Variants in NUDT3 observed in about 807,000 individuals in gnomAD.
NUDT3 encodes nudix hydrolase 3.
Under a neutral mutation model 23.6 loss-of-function variants are expected in NUDT3, and 9 were observed. That is an observed-to-expected ratio of 0.38 (90% CI 0.23 to 0.66). NUDT3 has a LOEUF of 0.66. Ranked by LOEUF, NUDT3 falls within the 30% of genes least tolerant of loss-of-function variation. The pLI is 0.52. For missense variants in NUDT3, 172 were observed against 218.5 expected (o/e 0.79, Z 1.34); for synonymous variants, 86 against 82.6 (o/e 1.04, Z -0.22).
chr6:34,299,618 TTTA>T (rs1442250500), intron 2 of NUDT3, among the ~76,000 whole-genome samples: 2 of 148,872 alleles, frequency 1.3e-5, no homozygotes, highest in Admixed American at 6.7e-5. Flanking sequence ...TTTTTTTTTT[TTTA>T]AAGTCCAGGT....
chr6:34,295,391 G>A (rs182074143), intron 3 of NUDT3, among the ~76,000 whole-genome samples: 41 of 152,098 alleles, frequency 2.7e-4, no homozygotes, highest in Admixed American at 2.1e-3. Context: ...GGATGGTGGT[G>A]TATCCATGTA....
intron 2 of NUDT3, among the ~76,000 whole-genome samples, chr6:34,304,169 C>T (rs1378239826): frequency 2.7e-5 from 4 of 150,408 alleles, no homozygotes; most frequent in Non-Finnish European, 4.4e-5. Context: ...AGGAGAACCA[C>T]TTGAACCTGG....
intron 1 of NUDT3, among the ~76,000 whole-genome samples, chr6:34,344,658 C>T (rs1010393687): frequency 6.8e-6 from 1 of 147,822 alleles, no homozygotes; most frequent in Non-Finnish European, 1.5e-5. Context: ...ATGAATTGTT[C>T]TTTTTTTTTT....
intron 1 of NUDT3, among the ~76,000 whole-genome samples, chr6:34,364,492 G>C (rs1305604119): frequency 6.6e-6 from 1 of 152,072 alleles, no homozygotes; most frequent in African/African-American, 2.4e-5. Flanking sequence ...ACAATGGCCT[G>C]CCATGGCCTA....
intron 1 of NUDT3, among the ~76,000 whole-genome samples, chr6:34,370,873 G>A (rs1458387602): frequency 1.3e-5 from 2 of 152,104 alleles, no homozygotes; most frequent in Non-Finnish European, 2.9e-5. Flanking sequence ...AGAGGCCGAG[G>A]CAGGTGGATC....
At chr6:34,313,678 T>C (rs1203447137) in intron 2 of NUDT3, among the ~76,000 whole-genome samples, 4 of 151,602 alleles carry the variant, frequency 2.6e-5, no homozygotes, top group Non-Finnish European at 5.9e-5. Context: ...AAAAAAAAGT[T>C]AAGGCCGGGC....
chr6:34,372,196 A>G (rs1764842848), intron 1 of NUDT3, among the ~76,000 whole-genome samples: 1 of 152,154 alleles, frequency 6.6e-6, no homozygotes, highest in African/African-American at 2.4e-5. Context: ...TAGTGCTGCA[A>G]TAAACATATG....
intron 2 of NUDT3, among the ~76,000 whole-genome samples, chr6:34,310,387 G>A (rs537685246): frequency 2.0e-5 from 3 of 152,136 alleles, no homozygotes; most frequent in South Asian, 4.2e-4. Context: ...AAAATTAGCC[G>A]GGCGCGGTGG....
chr6:34,386,511 G>A (rs1162443280), intron 1 of NUDT3, among the ~76,000 whole-genome samples: 1 of 151,972 alleles, frequency 6.6e-6, no homozygotes, highest in South Asian at 2.1e-4. Context: ...TTGCTATGTT[G>A]ACACATCCTA....
chr6:34,318,473 T>C (rs1305189489), intron 2 of NUDT3, among the ~76,000 whole-genome samples: 9 of 152,210 alleles, frequency 5.9e-5, no homozygotes, highest in African/African-American at 2.2e-4. Flanking sequence ...GTACATTTTA[T>C]TTTACCCAGA....
At chr6:34,322,528 C>G (rs2113718710) in intron 2 of NUDT3, among the ~76,000 whole-genome samples, 2 of 152,290 alleles carry the variant, frequency 1.3e-5, no homozygotes, top group Middle Eastern at 3.4e-3. Flanking sequence ...TGCGCCCGGT[C>G]ACTGGACTCT....
At chr6:34,335,467 T>C (rs1421146498) in intron 2 of NUDT3, among the ~76,000 whole-genome samples, 3 of 152,074 alleles carry the variant, frequency 2.0e-5, no homozygotes, top group Admixed American at 2.0e-4. Context: ...TAATGTTTAT[T>C]ACCACAGAAG....
chr6:34,341,762 G>T, intron 2 of NUDT3, 100 bp downstream of exon 2: 1 of 1,001,734 alleles, frequency 1.0e-6, no homozygotes, highest in Non-Finnish European at 1.4e-6. Flanking sequence ...TTCTGTGACT[G>T]TATATTTATT....
chr6:34,344,671 C>T (rs55864834), intron 1 of NUDT3, among the ~76,000 whole-genome samples: 2 of 150,736 alleles, frequency 1.3e-5, no homozygotes, highest in South Asian at 2.1e-4. Context: ...TTTTTTTTTC[C>T]GATGGAGTCT....
Position 34,295,624 on chromosome 6 carries a change from G to T in NUDT3, c.255+17C>A, listed in dbSNP as rs199946628. The T allele has an allele frequency of 1.9e-6, 3 of 1,612,764 alleles. No homozygotes were observed. The highest frequency in any genetic ancestry group is 1.3e-5 in the African/African-American group (1 of 74,868). ...ATTAATACATATCATTTGTACCAAA[G>T]ATTTTAACAGACTTACCTCAAAAAT... On this transcript the variant is annotated intron_variant, in intron 3 of 4. Coordinates refer to ENST00000607016, the MANE Select transcript of NUDT3 (RefSeq NM_006703.4).
chr6:34,362,367 G>T (rs1451489911), intron 1 of NUDT3, among the ~76,000 whole-genome samples: 1 of 151,864 alleles, frequency 6.6e-6, no homozygotes, highest in Non-Finnish European at 1.5e-5. Flanking sequence ...GTAGAGATGG[G>T]GTCTTGCTAC....
At chr6:34,312,860 G>T (rs992059930) in intron 2 of NUDT3, among the ~76,000 whole-genome samples, 4 of 152,142 alleles carry the variant, frequency 2.6e-5, no homozygotes, top group African/African-American at 9.7e-5. Flanking sequence ...GAACTATCAA[G>T]TTATGTATGT....
Position 34,297,759 on chromosome 6 carries a change from AATTTTT to A in NUDT3, c.211-2080_211-2075del, listed in dbSNP as rs1253491880. Among the ~76,000 whole-genome samples, 55 of 71,098 alleles carry A rather than the reference AATTTTT, an allele frequency of 7.7e-4. 1 individual carries two copies. Among genetic ancestry groups the A allele is most frequent in the African/African-American group, 2.7e-3 (41 of 15,146 alleles). The allele number at this position is 71,098 out of a possible 152,430, so 46.6% of individuals were successfully genotyped here. A position where few individuals can be genotyped will look rare whatever the true frequency, so the allele number is the denominator to read the frequency against. ...TATATATATATATATATATATATAT[AATTTTT>A]TTTTTTTTTTTAGTAGAGACGGGGT... On this transcript the variant is annotated intron_variant, in intron 2 of 4. Coordinates refer to ENST00000607016, the MANE Select transcript of NUDT3 (RefSeq NM_006703.4).
intron 2 of NUDT3, among the ~76,000 whole-genome samples, chr6:34,323,412 CA>C (rs1442322527): frequency 6.6e-6 from 1 of 151,926 alleles, no homozygotes; most frequent in Admixed American, 6.6e-5. Flanking sequence ...ACAAAAAATA[CA>C]AAAATTAGCT....
Sources: allele counts gnomAD v4.1 joint callset (sites outside exome capture counted in the v4.1 genomes callset), GRCh38; gene constraint gnomAD v4.1.1; transcripts MANE v1.5; gene names NCBI Gene and HGNC (gene_info 2026-07-23, HGNC 2026-07-21).